Variants in PPP2R3C observed in about 807,000 individuals in gnomAD.
PPP2R3C encodes protein phosphatase 2 regulatory subunit B''gamma.
PPP2R3C carries 47 observed loss-of-function variants against 63.7 expected under a neutral mutation model. That is an observed-to-expected ratio of 0.74 (90% CI 0.58 to 0.94). The LOEUF is 0.94. Ranked by LOEUF, PPP2R3C falls within the 40% of genes least tolerant of loss-of-function variation. The pLI, the probability that PPP2R3C is intolerant of heterozygous loss-of-function variation, is 0.00. For missense variants in PPP2R3C, 421 were observed against 518.4 expected, an observed-to-expected ratio of 0.81 and a Z score of 1.82; for synonymous variants, 180 against 177.4, an observed-to-expected ratio of 1.01 and a Z score of -0.12.
chr14:35,115,312 A>G (rs2046678777), intron 2 of PPP2R3C, among the ~76,000 whole-genome samples: 1 of 150,580 alleles, frequency 6.6e-6, no homozygotes, highest in African/African-American at 2.4e-5. Context: ...ACAGGTGCGC[A>G]CCACCATGCC....
intron 1 of PPP2R3C, among the ~76,000 whole-genome samples, chr14:35,120,248 TCTC>T (rs2046827059): frequency 6.7e-6 from 1 of 149,462 alleles, no homozygotes; most frequent in Non-Finnish European, 1.5e-5. Context: ...TCTGACTGCT[TCTC>T]CTTTTTTTTT....
intron 7 of PPP2R3C, among the ~76,000 whole-genome samples, chr14:35,097,676 G>C (rs1057012164): frequency 2.7e-4 from 41 of 152,136 alleles, no homozygotes; most frequent in African/African-American, 9.6e-4. Context: ...TAGAGATGGG[G>C]TTTCACTATG....
chr14:35,108,026 TCTA>T lies in PPP2R3C; in HGVS notation c.502+110_502+112del, dbSNP rs767201105. 2.9e-6 allele frequency: 4 copies of T among 1,397,048 alleles called. No individual in the cohort carries two copies. In the South Asian group the frequency reaches 6.2e-5, roughly 22 times the overall value. 86.5% of individuals were successfully genotyped at this position (1,397,048 alleles called of 1,614,324 possible). ...ACATCTTGGTCAAAAGATAAGAAATTCTACTATTCAAACTTAGAGTGATTTCAC... is the reference window on the plus strand; with the variant it reads ...ACATCTTGGTCAAAAGATAAGAAATTCTATTCAAACTTAGAGTGATTTCAC... On this transcript the variant is annotated intron_variant, in intron 5 of 12. Coordinates refer to ENST00000261475, the MANE Select transcript of PPP2R3C (RefSeq NM_017917.4).
intron 6 of PPP2R3C, chr14:35,099,602 G>C: frequency 2.1e-6 from 1 of 468,608 alleles, no homozygotes; most frequent in Non-Finnish European, 3.4e-6. Context: ...AATTCAAAGG[G>C]AACAAAGATA....
chr14:35,108,890 G>A (rs1263677869), intron 4 of PPP2R3C, among the ~76,000 whole-genome samples: 2 of 151,662 alleles, frequency 1.3e-5, no homozygotes, highest in Non-Finnish European at 2.9e-5. Context: ...AATTACAAAC[G>A]TGAGGCACCA....
rs2046717167 is a variant in PPP2R3C, at chr14:35,116,597, AGACAC to A, written c.186+8_186+12del. 6.4e-7 allele frequency: 1 copy of A among 1,557,928 alleles called. No individual in the cohort carries two copies. The highest frequency in any genetic ancestry group is 8.7e-7 in the Non-Finnish European group (1 of 1,154,106). ...TTTAAACTCTGCAGGACATTTGATTAGACACTACTTACCCTATAATAAAACCGGGG... is the reference window on the plus strand; with the variant it reads ...TTTAAACTCTGCAGGACATTTGATTATACTTACCCTATAATAAAACCGGGG... On this transcript the variant is annotated splice_region_variant and intron_variant, in intron 2 of 12. Transcript: ENST00000261475.
intron 10 of PPP2R3C, among the ~76,000 whole-genome samples, chr14:35,094,285 C>G (rs2045924753): frequency 6.6e-6 from 1 of 152,180 alleles, no homozygotes. Context: ...ATCCTCCTGC[C>G]TCAGCCTCCC....
chr14:35,092,038 A>G (rs1324892733), intron 10 of PPP2R3C, among the ~76,000 whole-genome samples: 1 of 149,828 alleles, frequency 6.7e-6, no homozygotes, highest in Non-Finnish European at 1.5e-5. Context: ...TTTTTTTATG[A>G]GAGATTTGCT....
In PPP2R3C at chr14:35,096,721, A is replaced by G. The variant is rs140170454; in HGVS notation, c.750T>C (p.Asp250=). Reference sequence around the variant, plus strand: ...TAAAAACATTTACCTCCAATAAATCATCTAGGAAGCTGCATGCTAAAATAT... The same window carrying G: ...TAAAAACATTTACCTCCAATAAATCGTCTAGGAAGCTGCATGCTAAAATAT... ...IQDILACSFL[D]DLLELRDEEL... is the part of the protein sequence containing the mutation. Residue 250 remains aspartate (D), a synonymous_variant, in exon 8 of 13, where the codon GAT becomes GAC. Transcript: ENST00000261475. The G allele has an allele frequency of 2.5e-6, 4 of 1,600,768 alleles. No homozygotes were observed. The highest frequency in any genetic ancestry group is 3.4e-6 in the Non-Finnish European group (4 of 1,173,014).
intron 2 of PPP2R3C, 114 bp from the exon 3 acceptor site, chr14:35,110,743 T>A: frequency 1.5e-6 from 1 of 658,022 alleles, no homozygotes; most frequent in Non-Finnish European, 2.6e-6. Context: ...TTCTTGTATC[T>A]CACCTTAATT....
intron 1 of PPP2R3C, among the ~76,000 whole-genome samples, chr14:35,117,976 G>A (rs1005336214): frequency 2.6e-5 from 4 of 152,150 alleles, no homozygotes; most frequent in African/African-American, 4.8e-5. Flanking sequence ...TTACAGGCAT[G>A]AGCCACCATG....
intron 11 of PPP2R3C, among the ~76,000 whole-genome samples, chr14:35,090,243 T>G (rs995603819): frequency 7.0e-6 from 1 of 143,676 alleles, no homozygotes; most frequent in Non-Finnish European, 1.6e-5. Flanking sequence ...TGTAGTTTTT[T>G]TTTTTTTTTT....
At chr14:35,103,720 A>G (rs2046264649) in intron 6 of PPP2R3C, among the ~76,000 whole-genome samples, 3 of 152,218 alleles carry the variant, frequency 2.0e-5, no homozygotes. Context: ...AGATTGTCAC[A>G]AAGTAAAACA....
At chr14:35,118,652 C>A (rs938003715) in intron 1 of PPP2R3C, among the ~76,000 whole-genome samples, 5 of 98,964 alleles carry the variant, frequency 5.1e-5, no homozygotes, top group Non-Finnish European at 1.0e-4. Context: ...CAGGTACCTT[C>A]CTTTTTTTTT....
At chr14:35,114,559 G>A (rs2138710237) in intron 2 of PPP2R3C, among the ~76,000 whole-genome samples, 1 of 152,256 alleles carries the variant, frequency 6.6e-6, no homozygotes, top group East Asian at 1.9e-4. Flanking sequence ...GGAACATCCA[G>A]CTAAGATTCC....
At chr14:35,115,147 GCT>G (rs1491447030) in intron 2 of PPP2R3C, among the ~76,000 whole-genome samples, 1 of 148,126 alleles carries the variant, frequency 6.8e-6, no homozygotes, top group African/African-American at 2.5e-5. Context: ...GTTGTAAACG[GCT>G]TTTTTTTTTT....
intron 6 of PPP2R3C, 34 bp downstream of exon 6, chr14:35,107,270 G>A (rs770106009): frequency 1.3e-6 from 2 of 1,489,750 alleles, no homozygotes; most frequent in Non-Finnish European, 9.4e-7. Context: ...GTGTCTATAA[G>A]AGTTAATATA....
intron 11 of PPP2R3C, among the ~76,000 whole-genome samples, chr14:35,089,382 G>A (rs994302462): frequency 1.3e-5 from 2 of 152,050 alleles, no homozygotes; most frequent in African/African-American, 2.4e-5. Flanking sequence ...GGGATTAGAA[G>A]CATGAGCGAC....
At chr14:35,118,286 C>T (rs1005720351) in intron 1 of PPP2R3C, among the ~76,000 whole-genome samples, 1 of 152,098 alleles carries the variant, frequency 6.6e-6, no homozygotes, top group African/African-American at 2.4e-5. Flanking sequence ...GAAATACCAG[C>T]ATGTTTATAT....
Sources: allele counts gnomAD v4.1 joint callset (sites outside exome capture counted in the v4.1 genomes callset), GRCh38; gene constraint gnomAD v4.1.1; transcripts MANE v1.5; gene names NCBI Gene and HGNC (gene_info 2026-07-23, HGNC 2026-07-21).